Variants in PHF21B observed in about 807,000 individuals in gnomAD.
The protein encoded by PHF21B is PHD finger protein 4.
A neutral mutation model predicts 62.2 loss-of-function variants in PHF21B; 22 were observed. The ratio of observed to expected loss-of-function variants is 0.35; its 90% CI spans 0.25 to 0.51. The LOEUF is 0.51. Among genes scored for constraint, PHF21B ranks in the 20% least tolerant of loss-of-function variants. The pLI, the probability that PHF21B is intolerant of heterozygous loss-of-function variation, is 0.97. For synonymous variants in PHF21B, 341 were observed against 314.7 expected (o/e 1.08, Z -0.88); for missense variants, 701 against 707.9 (o/e 0.99, Z 0.11).
At chr22:44,942,611 G>A (rs1569243222) in intron 2 of PHF21B, among the ~76,000 whole-genome samples, 1 of 152,192 alleles carries the variant, frequency 6.6e-6, no homozygotes, top group Non-Finnish European at 1.5e-5. Context: ...GCCCCACACA[G>A]GGCACCGAGG....
Position 45,009,652 on chromosome 22 carries a change from G to A in PHF21B, c.-103C>T, listed in dbSNP as rs2073389370. 3.4e-6 allele frequency: 4 copies of A among 1,187,710 alleles called. No individual in the cohort carries two copies. Among genetic ancestry groups the A allele is most frequent in the Non-Finnish European group, 4.5e-6 (4 of 891,640 alleles). The allele number at this position is 1,187,710 out of a possible 1,614,324, so 73.6% of individuals were successfully genotyped here. On this transcript the variant is annotated 5_prime_UTR_variant, in exon 1 of 13. Transcript: ENST00000313237. The surrounding 1 kb of genome is among the most constrained non-coding windows in gnomAD (Gnocchi z 5.9). Reference sequence around the variant, plus strand: ...GCGGGCGCGGGCGGACGCGGCCTCCGGGCTGGGTTGGGGGGGACACGAGCC... The same window carrying A: ...GCGGGCGCGGGCGGACGCGGCCTCCAGGCTGGGTTGGGGGGGACACGAGCC...
intron 2 of PHF21B, among the ~76,000 whole-genome samples, chr22:44,925,823 C>G (rs2147325927): frequency 6.6e-6 from 1 of 152,316 alleles, no homozygotes; most frequent in African/African-American, 2.4e-5. Flanking sequence ...GTTCCCCCAA[C>G]TTCCACAAAG....
intron 5 of PHF21B, among the ~76,000 whole-genome samples, chr22:44,907,038 C>A (rs1348799946): frequency 1.3e-5 from 2 of 152,200 alleles, no homozygotes; most frequent in Non-Finnish European, 2.9e-5. Flanking sequence ...TAGGTACATA[C>A]ATGTCACGCG....
intron 2 of PHF21B, among the ~76,000 whole-genome samples, chr22:44,987,749 C>T (rs1384846173): frequency 1.5e-5 from 2 of 134,214 alleles, no homozygotes; most frequent in East Asian, 4.4e-4. Flanking sequence ...ATGGAGCCCC[C>T]AACACTCTCT....
chr22:44,884,124 A>ACCGCCACCACCATCACTG (rs2070793450), intron 12 of PHF21B, among the ~76,000 whole-genome samples: 1 of 77,444 alleles, frequency 1.3e-5, no homozygotes, highest in Non-Finnish European at 4.2e-5. Flanking sequence ...CATCACCATC[A>ACCGCCACCACCATCACTG]TGATCACCAT....
chr22:44,928,906 C>T (rs1199344994), intron 2 of PHF21B, among the ~76,000 whole-genome samples: 1 of 152,232 alleles, frequency 6.6e-6, no homozygotes, highest in Non-Finnish European at 1.5e-5. Context: ...TGAGGCCCCA[C>T]TGCCGGGGCT....
chr22:44,901,979 G>C (rs2071167758), intron 5 of PHF21B: 1 of 214,638 alleles, frequency 4.7e-6, no homozygotes, highest in Non-Finnish European at 9.7e-6. Context: ...CCTTCAGCCA[G>C]CATGGGAGAA....
chr22:45,008,015 G>A (rs2073357585), intron 2 of PHF21B: 1 of 152,142 alleles, frequency 6.6e-6, no homozygotes, highest in African/African-American at 2.4e-5. Flanking sequence ...GGAGTCCCGG[G>A]GGCGCGTTTC....
intron 2 of PHF21B, among the ~76,000 whole-genome samples, chr22:44,936,336 G>C (rs1024941266): frequency 6.6e-6 from 1 of 152,234 alleles, no homozygotes; most frequent in African/African-American, 2.4e-5. Context: ...TAGAGAGGCC[G>C]CAGCCTCAGG....
chr22:44,881,364 T>C lies in PHF21B; in HGVS notation c.*1722A>G, dbSNP rs2147232816. Reference sequence around the variant, plus strand: ...ATCCTCCCATTACACTGTTAAAACATGTAACTCAATCCATCCGCGAAGAAA... The same window carrying C: ...ATCCTCCCATTACACTGTTAAAACACGTAACTCAATCCATCCGCGAAGAAA... On this transcript the variant is annotated 3_prime_UTR_variant, in exon 13 of 13. Transcript: ENST00000313237. The C allele has an allele frequency of 6.5e-6, 1 of 152,696 alleles. No homozygotes were observed. Among genetic ancestry groups the C allele is most frequent in the Non-Finnish European group, 1.5e-5 (1 of 68,036 alleles). 9.5% of individuals were successfully genotyped at this position (152,696 alleles called of 1,614,324 possible). A position where few individuals can be genotyped will look rare whatever the true frequency, so the allele number is the denominator to read the frequency against.
intron 7 of PHF21B, 69 bp downstream of exon 7, chr22:44,893,388 A>T (rs981802555): frequency 1.4e-6 from 2 of 1,467,476 alleles, no homozygotes; most frequent in Non-Finnish European, 1.9e-6. Flanking sequence ...AGGCCCTGGG[A>T]CTTTTCCTGG....
chr22:44,930,246 C>T (rs553201020), intron 2 of PHF21B, among the ~76,000 whole-genome samples: 3 of 152,252 alleles, frequency 2.0e-5, no homozygotes, highest in African/African-American at 4.8e-5. Flanking sequence ...CTGCGGCTGC[C>T]CCTGTGGAGG....
rs147057448 is a variant in PHF21B, at chr22:44,918,727, T to A, written c.213+1671A>T. On this transcript the variant is annotated intron_variant, in intron 3 of 12. Coordinates refer to ENST00000313237, the MANE Select transcript of PHF21B (RefSeq NM_138415.5). ...AGCAGGCCAACGGCAGGTGCAGACT[T>A]TTGTGGGGCAGAGACAGCAAGGACA... 7.6e-3 allele frequency among the ~76,000 whole-genome samples: 1,163 copies of A among 152,176 alleles called. 8 individuals carry two copies. Among genetic ancestry groups the A allele is most frequent in the Non-Finnish European group, 0.013 (856 of 67,986 alleles).
chr22:44,886,125 GC>G (rs1196059083), intron 10 of PHF21B, among the ~76,000 whole-genome samples, 187 bp from the exon 11 acceptor site: 1 of 152,072 alleles, frequency 6.6e-6, no homozygotes, highest in African/African-American at 2.4e-5. Flanking sequence ...GCTCCACGAG[GC>G]TGGAACATTC....
At chr22:44,904,363 C>T (rs1408033820) in intron 5 of PHF21B, among the ~76,000 whole-genome samples, 1 of 152,112 alleles carries the variant, frequency 6.6e-6, no homozygotes, top group Non-Finnish European at 1.5e-5. Context: ...GTTTCTTATA[C>T]CCACTGGCTG....
At chr22:44,918,399 C>T (rs895168246) in intron 3 of PHF21B, among the ~76,000 whole-genome samples, 1 of 152,260 alleles carries the variant, frequency 6.6e-6, no homozygotes, top group Non-Finnish European at 1.5e-5. Context: ...AGAAACTAAG[C>T]TCAGCTGGAA....
At chr22:44,978,883 G>C (rs2072786277) in intron 2 of PHF21B, among the ~76,000 whole-genome samples, 1 of 152,242 alleles carries the variant, frequency 6.6e-6, no homozygotes, top group Non-Finnish European at 1.5e-5. Context: ...CTGCTGTGTA[G>C]ACTCTGCGTG....
At chr22:44,993,908 A>G (rs567723267) in intron 2 of PHF21B, among the ~76,000 whole-genome samples, 1 of 152,360 alleles carries the variant, frequency 6.6e-6, no homozygotes, top group African/African-American at 2.4e-5. Flanking sequence ...ACTAGAGGAA[A>G]TGATGCACCC....
At chr22:44,974,426 A>G (rs2072698566) in intron 2 of PHF21B, among the ~76,000 whole-genome samples, 1 of 151,276 alleles carries the variant, frequency 6.6e-6, no homozygotes, top group Non-Finnish European at 1.5e-5. Flanking sequence ...AAAAAAAAAA[A>G]TGCATATGCT....
Sources: gnomAD v4.1 joint callset for allele counts (sites outside exome capture counted in the v4.1 genomes callset) on GRCh38, gnomAD v4.1.1 for gene constraint, Gnocchi (gnomAD v3.1) non-coding constraint, MANE v1.5 for transcripts, NCBI Gene and HGNC (gene_info 2026-07-23, HGNC 2026-07-21) for gene names.